Variants in EEIG2 observed in about 807,000 individuals in gnomAD.
EEIG2 encodes family with sequence similarity 102 member B.
chr1:108,616,983 G>A, the EEIG2 span, among the ~76,000 whole-genome samples: 2 of 152,176 alleles, frequency 1.3e-5, no homozygotes, highest in South Asian at 2.1e-4. Context: ...CGGTAAAGAT[G>A]ATATTTGAGT....
At chr1:108,635,187 A>G in the EEIG2 span, 1 of 1,612,008 alleles carries the variant, frequency 6.2e-7, no homozygotes, top group South Asian at 1.1e-5. Flanking sequence ...TGTGGATTTA[A>G]GATGTGAGTA....
chr1:108,573,971 G>A, the EEIG2 span, among the ~76,000 whole-genome samples: 1 of 152,216 alleles, frequency 6.6e-6, no homozygotes, highest in African/African-American at 2.4e-5. Flanking sequence ...ATGGAAAACA[G>A]TATGGTGGTC....
the EEIG2 span, among the ~76,000 whole-genome samples, chr1:108,610,097 T>C: frequency 6.6e-6 from 1 of 152,112 alleles, no homozygotes; most frequent in Admixed American, 6.5e-5. Context: ...AATCTTGCTG[T>C]AAAGAGGGCC....
At chr1:108,635,194 A>C in the EEIG2 span, 9 of 1,609,534 alleles carry the variant, frequency 5.6e-6, no homozygotes, top group Non-Finnish European at 7.7e-6. Flanking sequence ...TTAAGATGTG[A>C]GTAGTTGATG....
the EEIG2 span, chr1:108,606,203 G>T: frequency 6.6e-7 from 1 of 1,509,246 alleles, no homozygotes; most frequent in Non-Finnish European, 9.1e-7. Context: ...TATCCTTATA[G>T]TATTTTCTGT....
the EEIG2 span, among the ~76,000 whole-genome samples, chr1:108,613,651 C>CT: frequency 2.6e-5 from 4 of 151,970 alleles, no homozygotes; most frequent in Middle Eastern, 3.2e-3. Flanking sequence ...TCATAACACT[C>CT]TCTCCTTTCC....
At chr1:108,608,581 C>A in the EEIG2 span, among the ~76,000 whole-genome samples, 1 of 152,240 alleles carries the variant, frequency 6.6e-6, no homozygotes, top group Admixed American at 6.5e-5. Context: ...TAAGCTCTTT[C>A]AAGGCGGAGT....
the EEIG2 span, among the ~76,000 whole-genome samples, chr1:108,587,695 T>G: frequency 1.6e-4 from 25 of 152,200 alleles, no homozygotes; most frequent in Non-Finnish European, 3.7e-4. Flanking sequence ...GATTTTTACC[T>G]TATCCGTAGG....
At chr1:108,600,517 AT>A in the EEIG2 span, 1 of 1,592,638 alleles carries the variant, frequency 6.3e-7, no homozygotes, top group Admixed American at 1.7e-5. Context: ...GCTTTTTAAC[AT>A]GTCATCAATA....
chr1:108,593,362 T>G, the EEIG2 span, among the ~76,000 whole-genome samples: 1 of 152,080 alleles, frequency 6.6e-6, no homozygotes, highest in African/African-American at 2.4e-5. Context: ...GAATAAAAGG[T>G]AAAAGGGTAT....
the EEIG2 span, among the ~76,000 whole-genome samples, chr1:108,580,761 A>AAGCT: frequency 2.0e-5 from 3 of 152,286 alleles, no homozygotes; most frequent in African/African-American, 7.2e-5. Context: ...GAAAAGTTTG[A>AAGCT]AGCTAGCATA....
At chr1:108,568,805 A>C in the EEIG2 span, among the ~76,000 whole-genome samples, 1 of 152,136 alleles carries the variant, frequency 6.6e-6, no homozygotes, top group South Asian at 2.1e-4. Flanking sequence ...AATTCCAGCC[A>C]CTGGGAAGGA....
At chr1:108,611,751 G>A in the EEIG2 span, among the ~76,000 whole-genome samples, 1 of 152,110 alleles carries the variant, frequency 6.6e-6, no homozygotes, top group Admixed American at 6.6e-5. Context: ...CCCAGAATAG[G>A]GAGAGAAGGG....
At chr1:108,623,623 T>G in the EEIG2 span, among the ~76,000 whole-genome samples, 5 of 152,254 alleles carry the variant, frequency 3.3e-5, no homozygotes, top group Non-Finnish European at 7.3e-5. Context: ...TATCAAAATA[T>G]CTCATGTAAC....
At chr1:108,609,913 C>T in the EEIG2 span, among the ~76,000 whole-genome samples, 3 of 150,422 alleles carry the variant, frequency 2.0e-5, no homozygotes, top group Non-Finnish European at 4.4e-5. Flanking sequence ...CGGGAGGGGG[C>T]GGGAGGAGCA....
the EEIG2 span, chr1:108,629,850 AT>A: frequency 1.6e-6 from 1 of 630,690 alleles, no homozygotes; most frequent in South Asian, 1.7e-5. Context: ...TTGACATTAT[AT>A]TTTATAAATT....
At chr1:108,638,600 T>C in the EEIG2 span, 1 of 152,226 alleles carries the variant, frequency 6.6e-6, no homozygotes, top group Non-Finnish European at 1.5e-5. Context: ...AATTGGGCAG[T>C]TCTGAAATTC....
chr1:108,628,891 TAATACTGAC>T, the EEIG2 span: 1 of 1,138,212 alleles, frequency 8.8e-7, no homozygotes, highest in Non-Finnish European at 1.2e-6. Flanking sequence ...CAGAACATCA[TAATACTGAC>T]TGTTGCATAT....
the EEIG2 span, among the ~76,000 whole-genome samples, chr1:108,605,837 G>A: frequency 6.6e-6 from 1 of 152,148 alleles, no homozygotes; most frequent in Non-Finnish European, 1.5e-5. Flanking sequence ...GGTTGTCCCT[G>A]GGGTGTGGTT....
Sources: allele counts gnomAD v4.1 joint callset (sites outside exome capture counted in the v4.1 genomes callset), GRCh38; gene constraint gnomAD v4.1.1; transcripts MANE v1.5; gene names NCBI Gene and HGNC (gene_info 2026-07-23, HGNC 2026-07-21).